Variants in NAV3 observed in about 807,000 individuals in gnomAD.
NAV3 encodes pore membrane and/or filament interacting like protein 1.
In NAV3, 87 loss-of-function variants were observed where a neutral mutation model predicts 244.7. That is an observed-to-expected ratio of 0.36 (90% CI 0.30 to 0.42). NAV3 has a LOEUF of 0.42. Ranked by LOEUF, NAV3 falls within the 20% of genes least tolerant of loss-of-function variation. NAV3 has a pLI of 1.00. For synonymous variants in NAV3, 1,126 were observed against 1,042.2 expected, an observed-to-expected ratio of 1.08 and a Z score of -1.55; for missense variants, 2,663 against 2,893.3, an observed-to-expected ratio of 0.92 and a Z score of 1.83.
chr12:77,634,463 C>G (rs1428700666), intron 2 of NAV3, among the ~76,000 whole-genome samples: 2 of 152,170 alleles, frequency 1.3e-5, no homozygotes, highest in African/African-American at 4.8e-5. Context: ...ATAAACATTA[C>G]TACAAGGGAC....
At chr12:78,116,408 T>A (rs1955380874) in intron 12 of NAV3, among the ~76,000 whole-genome samples, 1 of 152,170 alleles carries the variant, frequency 6.6e-6, no homozygotes, top group African/African-American at 2.4e-5. Context: ...AAAGAATAAA[T>A]TTGTACATGC....
At chr12:77,664,718 T>C (rs1873636911) in intron 2 of NAV3, among the ~76,000 whole-genome samples, 1 of 152,218 alleles carries the variant, frequency 6.6e-6, no homozygotes, top group Non-Finnish European at 1.5e-5. Context: ...AACCCCACTT[T>C]GATTTATTTA....
At chr12:77,721,063 G>A (rs1456646035) in intron 2 of NAV3, among the ~76,000 whole-genome samples, 2 of 152,122 alleles carry the variant, frequency 1.3e-5, no homozygotes, top group Non-Finnish European at 2.9e-5. Context: ...GGAGGAGCAT[G>A]TGCTATTGAG....
At chr12:77,680,809 C>A (rs1195624437) in intron 2 of NAV3, among the ~76,000 whole-genome samples, 5 of 152,032 alleles carry the variant, frequency 3.3e-5, no homozygotes, top group African/African-American at 1.2e-4. Flanking sequence ...AGACAAGAAC[C>A]AATGCCAGGA....
intron 12 of NAV3, among the ~76,000 whole-genome samples, chr12:78,103,004 T>G (rs1437092072): frequency 1.3e-5 from 2 of 152,222 alleles, no homozygotes; most frequent in Non-Finnish European, 2.9e-5. Context: ...CCCCATTGTC[T>G]TGGGGATTAA....
chr12:77,804,557 A>C (rs932868885), intron 2 of NAV3, among the ~76,000 whole-genome samples: 1 of 151,976 alleles, frequency 6.6e-6, no homozygotes, highest in Non-Finnish European at 1.5e-5. Flanking sequence ...AGTACCATGC[A>C]GTTTTGGTTA....
At chr12:77,890,510 T>C (rs1013600276) in intron 1 of NAV3, among the ~76,000 whole-genome samples, 2 of 152,194 alleles carry the variant, frequency 1.3e-5, no homozygotes, top group Admixed American at 1.3e-4. Flanking sequence ...GAAATAAATA[T>C]GATAAATACA....
At chr12:77,670,657 C>T (rs1050912243) in intron 2 of NAV3, among the ~76,000 whole-genome samples, 1 of 152,112 alleles carries the variant, frequency 6.6e-6, no homozygotes, top group East Asian at 1.9e-4. Flanking sequence ...AAATGTGATA[C>T]ACCGCTTAAG....
intron 2 of NAV3, among the ~76,000 whole-genome samples, chr12:77,697,283 A>G (rs1273363658): frequency 1.3e-5 from 2 of 152,022 alleles, no homozygotes; most frequent in African/African-American, 2.4e-5. Context: ...CTCTACAACT[A>G]TCCTCAGGCT....
intron 18 of NAV3, among the ~76,000 whole-genome samples, chr12:78,133,398 A>AATAT (rs752594500): frequency 1.3e-5 from 2 of 149,750 alleles, no homozygotes. Context: ...TTAAATTTTA[A>AATAT]ATATATATAT....
At chr12:77,849,179 G>T (rs374795709) in intron 1 of NAV3, among the ~76,000 whole-genome samples, 1 of 151,980 alleles carries the variant, frequency 6.6e-6, no homozygotes, top group Non-Finnish European at 1.5e-5. Flanking sequence ...ATGAGAAACC[G>T]ATTTGATTCA....
In NAV3 at chr12:78,006,506, TC is replaced by T; in HGVS notation, c.971del (p.Pro324LeufsTer14). 1 of 1,614,064 alleles carries T rather than the reference TC, an allele frequency of 6.2e-7. No individual in the cohort carries two copies. Among genetic ancestry groups the T allele is most frequent in the Non-Finnish European group, 8.5e-7 (1 of 1,180,014 alleles). ...GCTGGGCAGCCTCCTGCCTCTGCCATCCCTTCTCCAAGTGCCAGCAAGCCCT... is the reference window on the plus strand; with the variant it reads ...GCTGGGCAGCCTCCTGCCTCTGCCATCCTTCTCCAAGTGCCAGCAAGCCCT... ...STAGQPPASA[I>X]PSPSASKPWR... On this transcript the variant is annotated frameshift_variant, in exon 8 of 40. Transcript: ENST00000397909. LOFTEE classifies it high-confidence loss of function.
At chr12:78,007,479 T>C (rs2136605037) in intron 8 of NAV3, 34 bp downstream of exon 8, 1 of 1,589,920 alleles carries the variant, frequency 6.3e-7, no homozygotes, top group Admixed American at 1.7e-5. Flanking sequence ...CAGTTGTAAA[T>C]ATATTTACAG....
At chr12:77,685,473 GCACACACACACA>G (rs778398842) in intron 2 of NAV3, among the ~76,000 whole-genome samples, 2 of 42,590 alleles carry the variant, frequency 4.7e-5, no homozygotes, top group African/African-American at 9.5e-5. Context: ...GCATACACAT[GCACACACACACA>G]CACACACACA....
intron 23 of NAV3, among the ~76,000 whole-genome samples, chr12:78,160,098 G>C (rs993830832): frequency 6.6e-6 from 1 of 152,058 alleles, no homozygotes; most frequent in Non-Finnish European, 1.5e-5. Context: ...AGAACTAGTT[G>C]CCATCTAGGG....
intron 2 of NAV3, among the ~76,000 whole-genome samples, chr12:77,589,785 G>C (rs1869820745): frequency 6.6e-6 from 1 of 152,214 alleles, no homozygotes; most frequent in Non-Finnish European, 1.5e-5. Context: ...ATCTTAAATT[G>C]ACTCTGAATT....
intron 2 of NAV3, among the ~76,000 whole-genome samples, chr12:77,616,076 T>C (rs1871132590): frequency 1.3e-5 from 2 of 152,180 alleles, no homozygotes; most frequent in African/African-American, 4.8e-5. Context: ...TGTTTTATCC[T>C]TCTTAGTGCC....
chr12:78,122,278 A>G lies in NAV3; in HGVS notation c.4088A>G (p.Tyr1363Cys), dbSNP rs936496749. The change falls in exon 16 of 40, where the codon TAC becomes TGC. Residue 1363 changes from tyrosine (Y) to cysteine (C), a missense_variant. Around this residue, in one of 6 missense-constraint regions of NAV3, gnomAD observed 354 missense variants for 413.0 expected, o/e 0.86. Coordinates refer to ENST00000397909, the MANE Select transcript of NAV3 (RefSeq NM_001024383.2). Reference protein sequence around the residue: ...SSAGSKDTPSYQSMTSLHTSS... With the variant: ...SSAGSKDTPSCQSMTSLHTSS... ...GCAGGCAGCAAGGATACTCCGAGCT[A>G]CCAGTCCATGACTAGCCTCCACACG... 1.9e-6 allele frequency: 3 copies of G among 1,614,072 alleles called. No homozygotes were observed. The highest frequency in any genetic ancestry group is 2.5e-6 in the Non-Finnish European group (3 of 1,180,038).
At chr12:77,983,260 G>A (rs1236662500) in intron 5 of NAV3, among the ~76,000 whole-genome samples, 1 of 152,092 alleles carries the variant, frequency 6.6e-6, no homozygotes, top group Non-Finnish European at 1.5e-5. Context: ...CAGGGGAATA[G>A]GGATGGACCC....
Sources: gnomAD v4.1 joint callset for allele counts (sites outside exome capture counted in the v4.1 genomes callset) on GRCh38, gnomAD v4.1.1 for gene constraint, gnomAD v4.1.1 regional missense constraint, MANE v1.5 for transcripts, NCBI Gene and HGNC (gene_info 2026-07-23, HGNC 2026-07-21) for gene names.